TBC1D30: variants seen among roughly 807,000 people sequenced by gnomAD.
The protein encoded by TBC1D30 is TBC1 domain family member 30.
Under a neutral mutation model 63.2 loss-of-function variants are expected in TBC1D30, and 31 were observed. The observed-to-expected ratio is 0.49, with a 90% CI of 0.37 to 0.66. The LOEUF is 0.66. TBC1D30 is among the 30% of genes least tolerant of loss of function. The probability of loss-of-function intolerance (pLI) is 0.00; values close to 1 mark genes in which losing one functional copy is unlikely to be tolerated. For synonymous variants in TBC1D30, 307 were observed against 361.5 expected, an observed-to-expected ratio of 0.85 and a Z score of 1.71; for missense variants, 810 against 953.6, an observed-to-expected ratio of 0.85 and a Z score of 1.98.
intron 8 of TBC1D30, among the ~76,000 whole-genome samples, chr12:64,857,940 C>G (rs1373807401): frequency 6.6e-6 from 1 of 152,158 alleles, no homozygotes; most frequent in East Asian, 1.9e-4. Flanking sequence ...TGCACAGACT[C>G]TTTCTCCATG....
At chr12:64,772,366 C>A (rs1261862) in intron 1 of TBC1D30, among the ~76,000 whole-genome samples, 81,565 of 151,848 alleles carry the variant, frequency 0.54, 22,808 homozygotes, top group East Asian at 0.89. Context: ...ATGGCTTAGT[C>A]AATTGATATT....
At chr12:64,767,528 C>T (rs1592522145) in intron 1 of TBC1D30, among the ~76,000 whole-genome samples, 1 of 152,014 alleles carries the variant, frequency 6.6e-6, no homozygotes, top group African/African-American at 2.4e-5. Flanking sequence ...AAAAGAGGCT[C>T]AGAAACACTT....
intron 2 of TBC1D30, among the ~76,000 whole-genome samples, chr12:64,793,519 G>A (rs1359639447): frequency 6.6e-6 from 1 of 151,456 alleles, no homozygotes; most frequent in Admixed American, 6.6e-5. Flanking sequence ...AATTAGCTGG[G>A]CGTGGTGGCA....
chr12:64,803,498 T>A (rs997814152), intron 2 of TBC1D30, among the ~76,000 whole-genome samples: 1 of 152,230 alleles, frequency 6.6e-6, no homozygotes, highest in African/African-American at 2.4e-5. Flanking sequence ...AGCTCTTTAG[T>A]TTAATTAGAT....
intron 1 of TBC1D30, 90 bp from the exon 2 acceptor site, chr12:64,827,745 G>T: frequency 1.1e-6 from 1 of 933,502 alleles, no homozygotes; most frequent in South Asian, 1.7e-5. Flanking sequence ...AAATTGTGAT[G>T]ATTCAGTAGA....
chr12:64,816,404 C>T (rs115732291), intron 2 of TBC1D30, among the ~76,000 whole-genome samples: 3,166 of 152,218 alleles, frequency 0.021, 51 homozygotes, highest in Middle Eastern at 0.058. Context: ...GGACTGACAC[C>T]AAAAGGATTT....
intron 11 of TBC1D30, among the ~76,000 whole-genome samples, chr12:64,874,446 C>T (rs1323496278): frequency 6.6e-6 from 1 of 152,174 alleles, no homozygotes; most frequent in Non-Finnish European, 1.5e-5. Context: ...CCATTGAGGA[C>T]ACAGGAGTGG....
chr12:64,772,071 A>G (rs1375542939), intron 1 of TBC1D30, among the ~76,000 whole-genome samples: 2 of 152,042 alleles, frequency 1.3e-5, no homozygotes, highest in Admixed American at 6.5e-5. Context: ...CCTGACCAAC[A>G]TGGAGAAACC....
intron 1 of TBC1D30, among the ~76,000 whole-genome samples, chr12:64,766,616 C>T (rs1870723314): frequency 6.6e-6 from 1 of 152,128 alleles, no homozygotes; most frequent in Non-Finnish European, 1.5e-5. Context: ...CAATACTCCA[C>T]TTTCAATAAT....
intron 7 of TBC1D30, among the ~76,000 whole-genome samples, chr12:64,841,896 G>A (rs1268127061): frequency 1.3e-5 from 2 of 152,052 alleles, no homozygotes; most frequent in Non-Finnish European, 2.9e-5. Context: ...TTACATTTGT[G>A]GCAATGGGAT....
chr12:64,786,202 T>G (rs1184119582), intron 2 of TBC1D30, among the ~76,000 whole-genome samples: 2 of 152,242 alleles, frequency 1.3e-5, no homozygotes, highest in East Asian at 3.8e-4. Context: ...CAGTTTCCTA[T>G]TTTTCAGTTA....
At chr12:64,845,023 G>C (rs1876237032) in intron 8 of TBC1D30, among the ~76,000 whole-genome samples, 1 of 152,092 alleles carries the variant, frequency 6.6e-6, no homozygotes, top group Non-Finnish European at 1.5e-5. Context: ...ATTGGTTGAT[G>C]GATACTTAGG....
intron 11 of TBC1D30, among the ~76,000 whole-genome samples, chr12:64,873,433 A>T (rs1878808432): frequency 1.3e-5 from 2 of 152,088 alleles, no homozygotes; most frequent in African/African-American, 2.4e-5. Flanking sequence ...TAGATCATGG[A>T]CCCTAGGTTG....
chr12:64,765,143 C>G, intron 1 of TBC1D30, among the ~76,000 whole-genome samples: 1 of 152,136 alleles, frequency 6.6e-6, no homozygotes, highest in East Asian at 1.9e-4. Context: ...GGGAAGACTA[C>G]GAAACCTAGA....
rs917143718 is a variant in TBC1D30 at position 64,818,928 on chromosome 12, C to T, written c.644-8907C>T. Among the ~76,000 whole-genome samples the T allele has an allele frequency of 3.3e-5, 5 of 152,210 alleles. No individual in the cohort carries two copies. In the South Asian group the frequency reaches 6.2e-4, roughly 19 times the overall value. Reference sequence around the variant, plus strand: ...AGCTCAAGTAGTAGTGAGTCAGTTTCGGTCATTTTGAAGCAAGAAAATACT... The same window carrying T: ...AGCTCAAGTAGTAGTGAGTCAGTTTTGGTCATTTTGAAGCAAGAAAATACT... On this transcript the variant is annotated intron_variant, in intron 2 of 12. Transcript: ENST00000542120.
intron 2 of TBC1D30, among the ~76,000 whole-genome samples, chr12:64,789,274 T>C (rs1322844503): frequency 2.0e-5 from 3 of 151,308 alleles, no homozygotes; most frequent in Non-Finnish European, 4.4e-5. Context: ...AATCTCTGCT[T>C]CCCGGGTTCA....
At chr12:64,827,570 T>A (rs1166789276) in intron 1 of TBC1D30, among the ~76,000 whole-genome samples, 3 of 152,254 alleles carry the variant, frequency 2.0e-5, no homozygotes, top group African/African-American at 7.2e-5. Flanking sequence ...TGTCATTTTT[T>A]GTTTTTGTTT....
intron 11 of TBC1D30, among the ~76,000 whole-genome samples, chr12:64,874,766 T>C (rs1429531807): frequency 6.6e-6 from 1 of 152,178 alleles, no homozygotes; most frequent in Non-Finnish European, 1.5e-5. Context: ...ATGTTCCTTT[T>C]TGTATCATCA....
chr12:64,864,493 C>T lies in TBC1D30; in HGVS notation c.1039-175C>T, dbSNP rs1195152531. Reference sequence around the variant, plus strand: ...AGCCCACTGGGTCGGGTTTAATCATCTTCTTTTGTCTGTCTTGAAAGCGGA... The same window carrying T: ...AGCCCACTGGGTCGGGTTTAATCATTTTCTTTTGTCTGTCTTGAAAGCGGA... On this transcript the variant is annotated intron_variant, in intron 8 of 11. Transcript: ENST00000539867. Among the ~76,000 whole-genome samples the T allele has an allele frequency of 3.3e-5, 5 of 152,300 alleles. No homozygotes were observed. In the East Asian group the frequency reaches 9.6e-4, roughly 29 times the overall value.
Sources: gnomAD v4.1 joint callset for allele counts (sites outside exome capture counted in the v4.1 genomes callset) on GRCh38, gnomAD v4.1.1 for gene constraint, MANE v1.5 for transcripts, NCBI Gene and HGNC (gene_info 2026-07-23, HGNC 2026-07-21) for gene names.